The following USH2A variants were observed in gnomAD, a reference collection of about 807,000 sequenced individuals.
The protein encoded by USH2A is Usher syndrome 2A (autosomal recessive, mild).
A neutral mutation model predicts 538.9 loss-of-function variants in USH2A; 443 were observed. The ratio of observed to expected loss-of-function variants is 0.82; its 90% CI spans 0.76 to 0.89. The LOEUF is 0.89. USH2A is among the 40% of genes least tolerant of loss of function. The pLI is 0.00. For missense variants in USH2A, 6,633 were observed against 6,324.8 expected (o/e 1.05, Z -1.65); for synonymous variants, 2,413 against 2,273.5 (o/e 1.06, Z -1.75).
chr1:215,772,847 C>T (rs899220267), intron 55 of USH2A, among the ~76,000 whole-genome samples: 1 of 152,156 alleles, frequency 6.6e-6, no homozygotes, highest in African/African-American at 2.4e-5. Context: ...CCTCCATCAG[C>T]ATGTTTAGTG....
intron 11 of USH2A, among the ~76,000 whole-genome samples, chr1:216,262,435 A>G (rs1482392961): frequency 6.6e-6 from 1 of 152,040 alleles, no homozygotes; most frequent in East Asian, 1.9e-4. Flanking sequence ...ATAAAAATAC[A>G]ATCAAGAGTT....
chr1:216,209,354 C>G (rs944820623), intron 15 of USH2A, among the ~76,000 whole-genome samples: 1 of 152,184 alleles, frequency 6.6e-6, no homozygotes, highest in Non-Finnish European at 1.5e-5. Flanking sequence ...TCCCTCTTAG[C>G]AGCTGAAATC....
intron 32 of USH2A, among the ~76,000 whole-genome samples, chr1:216,043,411 G>A (rs2030372551): frequency 6.6e-6 from 1 of 151,906 alleles, no homozygotes; most frequent in Admixed American, 6.6e-5. Flanking sequence ...CTTATGAAAT[G>A]CCAAGAAAGC....
chr1:216,362,939 C>CA lies in USH2A; in HGVS notation c.784+2013dup, dbSNP rs199874021. ...GGGCGACAAGAGCGAAACTCCCTGT[C>CA]AAAAAAAAATAATAATAAAATAATA... On this transcript the variant is annotated intron_variant, in intron 4 of 71. Transcript: ENST00000307340. Among the ~76,000 whole-genome samples the CA allele has an allele frequency of 3.1e-3, 411 of 134,018 alleles. 2 individuals carry two copies. The highest frequency in any genetic ancestry group is 9.6e-3 in the African/African-American group (347 of 35,972). The allele number at this position is 134,018 out of a possible 152,430, so 87.9% of individuals were successfully genotyped here.
At chr1:215,923,915 T>TG (rs1666167650) in intron 38 of USH2A, among the ~76,000 whole-genome samples, 1 of 151,830 alleles carries the variant, frequency 6.6e-6, no homozygotes, top group African/African-American at 2.4e-5. Context: ...TAAATAGAGA[T>TG]GGGGTCTCAC....
intron 11 of USH2A, among the ~76,000 whole-genome samples, chr1:216,263,637 T>C (rs1414683021): frequency 6.6e-6 from 1 of 152,138 alleles, no homozygotes; most frequent in Admixed American, 6.6e-5. Flanking sequence ...AAAGGCCATA[T>C]ATGACAAACC....
intron 21 of USH2A, among the ~76,000 whole-genome samples, chr1:216,118,282 T>G (rs2102591910): frequency 6.6e-6 from 1 of 152,284 alleles, no homozygotes; most frequent in South Asian, 2.1e-4. Context: ...ACCCTCAATT[T>G]GGTATAAATA....
At chr1:216,233,185 G>T (rs986124855) in intron 13 of USH2A, among the ~76,000 whole-genome samples, 1 of 152,052 alleles carries the variant, frequency 6.6e-6, no homozygotes, top group African/African-American at 2.4e-5. Context: ...TCCCAGCTAC[G>T]TCTCTAGCTT....
At chr1:215,981,478 A>T (rs1382106541) in intron 35 of USH2A, among the ~76,000 whole-genome samples, 1 of 152,172 alleles carries the variant, frequency 6.6e-6, no homozygotes, top group Non-Finnish European at 1.5e-5. Context: ...CTTGTCTGAT[A>T]TTAAAATAGG....
At chr1:215,977,163 A>G (rs1241890221) in intron 35 of USH2A, among the ~76,000 whole-genome samples, 1 of 152,074 alleles carries the variant, frequency 6.6e-6, no homozygotes, top group Admixed American at 6.6e-5. Flanking sequence ...AATCAGGAAG[A>G]AATTAAAACC....
At chr1:215,955,538 A>G (rs1558180788) in intron 37 of USH2A, among the ~76,000 whole-genome samples, 1 of 152,202 alleles carries the variant, frequency 6.6e-6, no homozygotes, top group Non-Finnish European at 1.5e-5. Flanking sequence ...ATTTAATTCT[A>G]TGATTTTTGA....
intron 11 of USH2A, among the ~76,000 whole-genome samples, chr1:216,285,394 G>A (rs552197694): frequency 6.6e-6 from 1 of 152,370 alleles, no homozygotes; most frequent in Admixed American, 6.5e-5. Context: ...CAGGTGTGCA[G>A]AAGACAAGAA....
At chr1:215,676,892 CCAAA>C (rs917326656) in intron 62 of USH2A, among the ~76,000 whole-genome samples, 3 of 152,198 alleles carry the variant, frequency 2.0e-5, no homozygotes, top group African/African-American at 7.2e-5. Flanking sequence ...AGAAAAACAC[CCAAA>C]CATTTTTATT....
intron 32 of USH2A, among the ~76,000 whole-genome samples, chr1:216,011,280 C>A (rs966934643): frequency 5.9e-5 from 9 of 152,052 alleles, no homozygotes; most frequent in Non-Finnish European, 1.3e-4. Flanking sequence ...CCTTTGCACC[C>A]GTCATCCCAG....
intron 32 of USH2A, among the ~76,000 whole-genome samples, chr1:216,018,227 C>A (rs559365006): frequency 6.6e-6 from 1 of 152,258 alleles, no homozygotes; most frequent in Non-Finnish European, 1.5e-5. Flanking sequence ...GAGAAGATGG[C>A]ACACTGAAAT....
intron 32 of USH2A, among the ~76,000 whole-genome samples, chr1:216,039,775 C>CATA (rs2030182614): frequency 6.6e-6 from 1 of 151,712 alleles, no homozygotes; most frequent in Admixed American, 6.6e-5. Flanking sequence ...TTTATTGTGC[C>CATA]ATAAGCAATA....
chr1:216,226,726 A>G (rs949040432), intron 14 of USH2A, among the ~76,000 whole-genome samples: 14 of 152,112 alleles, frequency 9.2e-5, no homozygotes, highest in African/African-American at 3.4e-4. Context: ...CTTGTCCTTT[A>G]TTCTACACAG....
chr1:215,891,684 A>G (rs145901496), intron 40 of USH2A, among the ~76,000 whole-genome samples: 5 of 152,336 alleles, frequency 3.3e-5, no homozygotes, highest in Admixed American at 3.3e-4. Context: ...ATAAAAGGCA[A>G]AAGTCAGCCT....
intron 20 of USH2A, among the ~76,000 whole-genome samples, chr1:216,182,243 GT>G (rs1281360875): frequency 6.6e-6 from 1 of 151,978 alleles, no homozygotes; most frequent in Non-Finnish European, 1.5e-5. Flanking sequence ...TTTCCTTGCA[GT>G]TTTTTAGGGC....
Sources: allele counts gnomAD v4.1 joint callset (sites outside exome capture counted in the v4.1 genomes callset), GRCh38; gene constraint gnomAD v4.1.1; transcripts MANE v1.5; gene names NCBI Gene and HGNC (gene_info 2026-07-23, HGNC 2026-07-21).